The following DLGAP2 variants were observed in gnomAD, a reference collection of about 807,000 sequenced individuals.
DLGAP2 encodes the protein disks large-associated protein 2.
A neutral mutation model predicts 100.3 loss-of-function variants in DLGAP2; 26 were observed. The observed-to-expected ratio is 0.26, with a 90% CI of 0.19 to 0.36. The LOEUF is 0.36. DLGAP2 is among the 10% of genes least tolerant of loss of function. The probability of loss-of-function intolerance (pLI) is 1.00; values close to 1 mark genes in which losing one functional copy is unlikely to be tolerated. For synonymous variants in DLGAP2, 886 were observed against 630.1 expected, an observed-to-expected ratio of 1.41 and a Z score of -6.08; for missense variants, 1,858 against 1,453.2, an observed-to-expected ratio of 1.28 and a Z score of -4.53.
chr8:1,557,030 A>G (rs1320819836), intron 5 of DLGAP2, among the ~76,000 whole-genome samples: 3 of 151,700 alleles, frequency 2.0e-5, no homozygotes, highest in Admixed American at 1.3e-4. Flanking sequence ...TCTCAAGCTC[A>G]GCACGGGGGT....
At chr8:946,789 C>A (rs532628947) in intron 2 of DLGAP2, among the ~76,000 whole-genome samples, 1 of 152,242 alleles carries the variant, frequency 6.6e-6, no homozygotes, top group Admixed American at 6.5e-5. Flanking sequence ...CAGAGCCCTT[C>A]TCATTACAAA....
intron 4 of DLGAP2, among the ~76,000 whole-genome samples, chr8:1,520,959 T>C (rs1357102516): frequency 6.6e-6 from 1 of 152,218 alleles, no homozygotes; most frequent in Non-Finnish European, 1.5e-5. Context: ...TGCACCGCTT[T>C]GCACTCCCAC....
intron 3 of DLGAP2, among the ~76,000 whole-genome samples, chr8:1,372,571 C>G (rs1186768282): frequency 6.6e-6 from 1 of 152,150 alleles, no homozygotes; most frequent in Non-Finnish European, 1.5e-5. Flanking sequence ...TGGCTGCTGC[C>G]TGCTAGATGC....
intron 1 of DLGAP2, among the ~76,000 whole-genome samples, chr8:764,982 T>A (rs1821174834): frequency 6.6e-6 from 1 of 152,238 alleles, no homozygotes; most frequent in Non-Finnish European, 1.5e-5. Context: ...TTGTGGCTGT[T>A]ACTGATATAA....
At chr8:1,669,634 C>G in intron 9 of DLGAP2, 109 bp from the exon 10 acceptor site, 1 of 757,302 alleles carries the variant, frequency 1.3e-6, no homozygotes, top group Non-Finnish European at 2.5e-6. Flanking sequence ...GAGCCGGGCC[C>G]GTGCGGCGCT....
chr8:1,123,296 G>T (rs796617078), intron 2 of DLGAP2, among the ~76,000 whole-genome samples: 2 of 152,278 alleles, frequency 1.3e-5, no homozygotes, highest in South Asian at 4.1e-4. Flanking sequence ...AACTCACATG[G>T]TGGTTCTTTT....
intron 2 of DLGAP2, among the ~76,000 whole-genome samples, chr8:1,067,605 G>T (rs967984355): frequency 0.011 from 69 of 6,460 alleles, no homozygotes; most frequent in African/African-American, 0.049. Flanking sequence ...GTTGAGTGAC[G>T]TGTGTGTGTG....
chr8:1,575,455 T>TTTATTATTATTATTATTA (rs56350882), intron 6 of DLGAP2, among the ~76,000 whole-genome samples: 2,262 of 141,154 alleles, frequency 0.016, 27 homozygotes, highest in Non-Finnish European at 0.021. Flanking sequence ...GAGGATATTC[T>TTTATTATTATTATTATTA]TTATTATTAT....
chr8:1,343,563 C>T (rs954800760), intron 3 of DLGAP2, among the ~76,000 whole-genome samples: 3 of 152,192 alleles, frequency 2.0e-5, no homozygotes, highest in African/African-American at 7.2e-5. Flanking sequence ...ACAGGTTACC[C>T]CAGAGGCGCT....
At chr8:1,553,367 G>A (rs1326728668) in intron 5 of DLGAP2, among the ~76,000 whole-genome samples, 3 of 152,212 alleles carry the variant, frequency 2.0e-5, no homozygotes, top group East Asian at 1.9e-4. Flanking sequence ...GAAGAGGTTC[G>A]GACTCCCAGT....
chr8:1,566,169 C>A (rs1802393229), intron 6 of DLGAP2, among the ~76,000 whole-genome samples: 1 of 152,192 alleles, frequency 6.6e-6, no homozygotes, highest in Non-Finnish European at 1.5e-5. Context: ...TCTTTCTGAT[C>A]ATTCAGATTA....
chr8:1,136,271 A>C (rs1304938194), intron 2 of DLGAP2, among the ~76,000 whole-genome samples: 1 of 151,366 alleles, frequency 6.6e-6, no homozygotes, highest in Non-Finnish European at 1.5e-5. Context: ...CAGCCCTCTC[A>C]TTTACCAGCG....
intron 3 of DLGAP2, among the ~76,000 whole-genome samples, chr8:1,478,723 G>T (rs1056349546): frequency 2.0e-5 from 3 of 152,198 alleles, no homozygotes; most frequent in African/African-American, 7.2e-5. Flanking sequence ...ATGGCATTTG[G>T]ATGGCAGCCA....
intron 3 of DLGAP2, among the ~76,000 whole-genome samples, chr8:1,332,188 C>T (rs1176381350): frequency 2.0e-5 from 3 of 151,874 alleles, no homozygotes; most frequent in African/African-American, 4.8e-5. Flanking sequence ...AGCGTATTTG[C>T]GTTTATTTGC....
At chr8:948,529 TCCGCTCTGCTC>T (rs1397885032) in intron 2 of DLGAP2, among the ~76,000 whole-genome samples, 1 of 152,214 alleles carries the variant, frequency 6.6e-6, no homozygotes, top group Non-Finnish European at 1.5e-5. Flanking sequence ...CGTTGGCTCC[TCCGCTCTGCTC>T]CCTGAGCCCC....
At chr8:1,251,918 C>A (rs983615880) in intron 2 of DLGAP2, among the ~76,000 whole-genome samples, 10 of 152,258 alleles carry the variant, frequency 6.6e-5, no homozygotes, top group Admixed American at 3.3e-4. Flanking sequence ...ATCACGTGGG[C>A]CTGTTTTCCC....
chr8:1,293,167 G>A (rs367735888), intron 3 of DLGAP2, among the ~76,000 whole-genome samples: 9 of 152,064 alleles, frequency 5.9e-5, no homozygotes, highest in African/African-American at 1.9e-4. Flanking sequence ...CTCTCTCTCT[G>A]TCTCTGTCTT....
At chr8:1,204,704 G>C (rs974961327) in intron 2 of DLGAP2, among the ~76,000 whole-genome samples, 20 of 152,152 alleles carry the variant, frequency 1.3e-4, no homozygotes, top group African/African-American at 4.6e-4. Flanking sequence ...ACATCTGCCT[G>C]GAAATGAGGG....
chr8:1,213,473 C>A (rs1798148218), intron 2 of DLGAP2, among the ~76,000 whole-genome samples: 1 of 152,110 alleles, frequency 6.6e-6, no homozygotes, highest in Non-Finnish European at 1.5e-5. Context: ...GAGTACTCAC[C>A]ATATTGCTCA....
Sources: allele counts gnomAD v4.1 joint callset (sites outside exome capture counted in the v4.1 genomes callset), GRCh38; gene constraint gnomAD v4.1.1; transcripts MANE v1.5; gene names NCBI Gene and HGNC (gene_info 2026-07-23, HGNC 2026-07-21).